The following MGAT5B variants were observed in gnomAD, a reference collection of about 807,000 sequenced individuals.
MGAT5B encodes the protein alpha-1,6-mannosylglycoprotein 6-beta-N-acetylglucosaminyltransferase B.
A neutral mutation model predicts 95.1 loss-of-function variants in MGAT5B; 54 were observed. That is an observed-to-expected ratio of 0.57 (90% confidence interval 0.46 to 0.71). MGAT5B has a LOEUF of 0.71. Ranked by LOEUF, MGAT5B falls within the 30% of genes least tolerant of loss-of-function variation. The probability of loss-of-function intolerance (pLI) is 0.00; values close to 1 mark genes in which losing one functional copy is unlikely to be tolerated. For missense variants in MGAT5B, 935 were observed against 1,088.6 expected (o/e 0.86, Z 1.99); for synonymous variants, 464 against 451.0 (o/e 1.03, Z -0.36).
chr17:76,908,129 T>C (rs183497135), intron 8 of MGAT5B, among the ~76,000 whole-genome samples: 2 of 152,182 alleles, frequency 1.3e-5, no homozygotes, highest in African/African-American at 4.8e-5. Context: ...AATTTCTTTA[T>C]GGTTTTTTGG....
At chr17:76,922,391 G>A (rs1969148239) in intron 8 of MGAT5B, among the ~76,000 whole-genome samples, 1 of 152,200 alleles carries the variant, frequency 6.6e-6, no homozygotes, top group South Asian at 2.1e-4. Flanking sequence ...CAGTTGGGTT[G>A]GGGAGGTGAG....
chr17:76,935,955 T>C (rs568864441), intron 12 of MGAT5B, among the ~76,000 whole-genome samples: 222 of 125,740 alleles, frequency 1.8e-3, no homozygotes, highest in African/African-American at 5.9e-3. Flanking sequence ...TTATATACAT[T>C]ATATATATAT....
rs1435541347 is a variant in MGAT5B at position 76,948,874 on chromosome 17, GCT to G, written c.*42_*43del. On this transcript the variant is annotated 3_prime_UTR_variant, in exon 18 of 18. Transcript: ENST00000569840. The stretch of plus-strand genomic sequence containing the variant: ...GCCGCCCTGCCTGGCACCCACGCTG[GCT>G]CTCTCCTGCCGCGGGAGAAAGCACC... The G allele has an allele frequency of 5.9e-6, 9 of 1,530,882 alleles. No homozygotes were observed. In the South Asian group the frequency reaches 1.1e-4, roughly 18 times the overall value. The allele number at this position is 1,530,882 out of a possible 1,614,324, so 94.8% of individuals were successfully genotyped here.
Position 76,930,029 on chromosome 17 carries a change from C to T in MGAT5B, c.1292-2616C>T, listed in dbSNP as rs1455159526. 1.3e-5 allele frequency among the ~76,000 whole-genome samples: 2 copies of T among 152,024 alleles called. No homozygotes were observed. Among genetic ancestry groups the T allele is most frequent in the Non-Finnish European group, 2.9e-5 (2 of 68,016 alleles). On this transcript the variant is annotated intron_variant, in intron 10 of 17. Coordinates refer to ENST00000569840, the MANE Select transcript of MGAT5B (RefSeq NM_001199172.2). The surrounding 1 kb of genome is among the most constrained non-coding windows in gnomAD (Gnocchi z 4.1). The stretch of plus-strand genomic sequence containing the variant: ...GCCAGAGGGGAGGGGAAGATGGTGC[C>T]GGACAGGTAAACAGGGTCGGGCAGG...
chr17:76,901,320 T>A (rs1458383018), intron 3 of MGAT5B, among the ~76,000 whole-genome samples: 1 of 151,804 alleles, frequency 6.6e-6, no homozygotes, highest in African/African-American at 2.4e-5. Flanking sequence ...ACCAGTACCT[T>A]GTATAGGGAT....
Position 76,897,838 on chromosome 17 carries a change from G to A in MGAT5B, c.330-4717G>A, listed in dbSNP as rs185419289. On this transcript the variant is annotated intron_variant, in intron 3 of 17. Coordinates refer to ENST00000569840, the MANE Select transcript of MGAT5B (RefSeq NM_001199172.2). Reference sequence around the variant, plus strand: ...TGGGAGGCCGAGGTGGGTGGATCACGTGAGGTCAGGAGTTTGAGACCAGCC... The same window carrying A: ...TGGGAGGCCGAGGTGGGTGGATCACATGAGGTCAGGAGTTTGAGACCAGCC... Among the ~76,000 whole-genome samples, 19 of 149,354 alleles carry A rather than the reference G, an allele frequency of 1.3e-4. No homozygotes were observed. In the East Asian group the frequency reaches 3.8e-3, roughly 30 times the overall value.
At chr17:76,927,051 T>G (rs1969336399) in intron 10 of MGAT5B, among the ~76,000 whole-genome samples, 1 of 152,148 alleles carries the variant, frequency 6.6e-6, no homozygotes, top group South Asian at 2.1e-4. Flanking sequence ...CTCCGCGGCC[T>G]TCCAGAAAGA....
chr17:76,939,032 GTGTGTGTGT>G (rs1969775822), intron 13 of MGAT5B, among the ~76,000 whole-genome samples: 17 of 49,982 alleles, frequency 3.4e-4, no homozygotes, highest in South Asian at 9.0e-4. Context: ...TCTTGGGGGT[GTGTGTGTGT>G]GTGTGTGTGT....
intron 17 of MGAT5B, 62 bp from the exon 18 acceptor site, chr17:76,948,578 C>T (rs1237566155): frequency 1.2e-5 from 18 of 1,496,188 alleles, no homozygotes; most frequent in African/African-American, 2.7e-5. Context: ...GCCCCTACCC[C>T]GCCCCAGCCC....
Position 76,896,051 on chromosome 17 carries a change from G to A in MGAT5B, c.330-6504G>A, listed in dbSNP as rs114677443. ...CACCAAGGCCCTGGGTTCCCCACACGGTGACAACACCAAGGCCCTGTGTTC... is the reference window on the plus strand; with the variant it reads ...CACCAAGGCCCTGGGTTCCCCACACAGTGACAACACCAAGGCCCTGTGTTC... On this transcript the variant is annotated intron_variant, in intron 3 of 17. Transcript: ENST00000569840. Among the ~76,000 whole-genome samples the A allele has an allele frequency of 9.7e-3, 1,472 of 152,158 alleles. 28 individuals are homozygous for A. The highest frequency in any genetic ancestry group is 0.032 in the African/African-American group (1,327 of 41,468).
chr17:76,935,605 C>CTT (rs61424892), intron 12 of MGAT5B, among the ~76,000 whole-genome samples: 42,171 of 112,912 alleles, frequency 0.37, 8,142 homozygotes, highest in Admixed American at 0.43. Context: ...TTCCATATAT[C>CTT]TTTTTTTTTT....
chr17:76,880,251 G>A (rs1456865582), intron 2 of MGAT5B, among the ~76,000 whole-genome samples: 2 of 152,078 alleles, frequency 1.3e-5, no homozygotes, highest in Non-Finnish European at 2.9e-5. Flanking sequence ...GTGTCTTTAA[G>A]GAAATCGCAG....
At position 76,917,776 on chromosome 17, in the gene MGAT5B, G is replaced by C. The variant is rs780983485; in HGVS notation, c.1026-7190G>C. 2.6e-5 allele frequency among the ~76,000 whole-genome samples: 4 copies of C among 152,164 alleles called. No homozygotes were observed. Among genetic ancestry groups the C allele is most frequent in the Non-Finnish European group, 5.9e-5 (4 of 68,032 alleles). On this transcript the variant is annotated intron_variant, in intron 8 of 17. Transcript: ENST00000569840. The surrounding 1 kb of genome is among the most constrained non-coding windows in gnomAD (Gnocchi z 6.1). ...AGCCCCTGGCACACAGGAGTCACCC[G>C]AGGAGCTGAAAATAATCCCCGACGC...
intron 3 of MGAT5B, among the ~76,000 whole-genome samples, chr17:76,886,397 G>A (rs893136045): frequency 6.6e-6 from 1 of 152,242 alleles, no homozygotes; most frequent in Non-Finnish European, 1.5e-5. Context: ...TGTTAGAGAT[G>A]ATGCTGATGG....
At chr17:76,939,591 G>T (rs969428729) in intron 13 of MGAT5B, among the ~76,000 whole-genome samples, 1 of 152,096 alleles carries the variant, frequency 6.6e-6, no homozygotes, top group Non-Finnish European at 1.5e-5. Context: ...GCATAATGCT[G>T]AGGTTTGTGA....
chr17:76,900,898 C>T (rs1053298733), intron 3 of MGAT5B, among the ~76,000 whole-genome samples: 38 of 129,484 alleles, frequency 2.9e-4, no homozygotes, highest in African/African-American at 1.4e-3. Flanking sequence ...CATGTGTGTG[C>T]ATGTGTGTGT....
chr17:76,941,829 GCACCTGGAGCTCAT>G (rs1211920670), intron 15 of MGAT5B, among the ~76,000 whole-genome samples: 1 of 152,218 alleles, frequency 6.6e-6, no homozygotes, highest in African/African-American at 2.4e-5. Context: ...TCAGCAGGTG[GCACCTGGAGCTCAT>G]CACCACGGGG....
rs780443392 is a variant in MGAT5B at position 76,932,721 on chromosome 17, C to T, written c.1368C>T (p.Gly456=). The change falls in exon 11 of 18, where the codon GGC becomes GGT. Residue 456 remains glycine (G), a synonymous_variant. Coordinates refer to ENST00000569840, the MANE Select transcript of MGAT5B (RefSeq NM_001199172.2). ...LNETEKRLIK[G]GKASNMAVVY... is the part of the protein sequence containing the mutation. ...AGACGGAGAAGCGGCTCATCAAAGGCGGCAAGGCCAGCAACATGGCCGTGG... is the reference window on the plus strand; with the variant it reads ...AGACGGAGAAGCGGCTCATCAAAGGTGGCAAGGCCAGCAACATGGCCGTGG... 2 of 1,613,840 alleles carry T rather than the reference C, an allele frequency of 1.2e-6. No homozygotes were observed. The highest frequency in any genetic ancestry group is 1.1e-5 in the South Asian group (1 of 91,078).
chr17:76,949,726 C>G lies in MGAT5B; in HGVS notation c.*888C>G, dbSNP rs2145298910. On this transcript the variant is annotated 3_prime_UTR_variant, in exon 18 of 18. Transcript: ENST00000569840. ...CCAGTCCAGCCTCAGAGATCAGGCTCTGGGACCCCTGCCTGGGGGGTGGCC... is the reference window on the plus strand; with the variant it reads ...CCAGTCCAGCCTCAGAGATCAGGCTGTGGGACCCCTGCCTGGGGGGTGGCC... 6.6e-6 allele frequency: 1 copy of G among 152,304 alleles called. No homozygotes were observed. The highest frequency in any genetic ancestry group is 2.4e-5 in the African/African-American group (1 of 41,540). The allele number at this position is 152,304 out of a possible 1,614,324, so 9.4% of individuals were successfully genotyped here.
Sources: allele counts gnomAD v4.1 joint callset (sites outside exome capture counted in the v4.1 genomes callset), GRCh38; gene constraint gnomAD v4.1.1; non-coding constraint Gnocchi (gnomAD v3.1); transcripts MANE v1.5; gene names NCBI Gene and HGNC (gene_info 2026-07-23, HGNC 2026-07-21).